The following CCDC3 variants were observed in gnomAD, a reference collection of about 807,000 sequenced individuals.
The protein encoded by CCDC3 is coiled-coil domain containing 3.
A neutral mutation model predicts 21.4 loss-of-function variants in CCDC3; 24 were observed. The ratio of observed to expected loss-of-function variants is 1.12; its 90% CI spans 0.81 to 1.58. The LOEUF (loss-of-function observed/expected upper bound fraction) is 1.58, where lower values mean the gene tolerates loss of function less well. Ranked by LOEUF, CCDC3 falls within the 40% of genes most tolerant of loss-of-function variation. The pLI, the probability that CCDC3 is intolerant of heterozygous loss-of-function variation, is 0.00. For synonymous variants in CCDC3, 186 were observed against 166.0 expected (o/e 1.12, Z -0.93); for missense variants, 425 against 360.9 (o/e 1.18, Z -1.44).
chr10:13,063,638 C>T (rs1029701005), intron 4 of CCDC3, among the ~76,000 whole-genome samples: 10 of 152,214 alleles, frequency 6.6e-5, no homozygotes, highest in East Asian at 1.9e-4. Context: ...AAAACCCAGT[C>T]GCCTAGCGCC....
intron 4 of CCDC3, among the ~76,000 whole-genome samples, chr10:13,070,484 C>T (rs997027736): frequency 2.0e-5 from 3 of 152,134 alleles, no homozygotes; most frequent in Admixed American, 1.3e-4. Flanking sequence ...TCAATAAAGC[C>T]CCATGGGAGA....
At chr10:12,945,225 T>C (rs144669706) in intron 2 of CCDC3, among the ~76,000 whole-genome samples, 1 of 152,198 alleles carries the variant, frequency 6.6e-6, no homozygotes, top group Non-Finnish European at 1.5e-5. Context: ...GAAATTAAGA[T>C]GATTTAGTAT....
chr10:12,927,072 T>C (rs1191603462), intron 2 of CCDC3, among the ~76,000 whole-genome samples: 2 of 152,314 alleles, frequency 1.3e-5, no homozygotes, highest in East Asian at 3.9e-4. Flanking sequence ...TCAGCCAACG[T>C]GATATTTACC....
At position 13,001,649 on chromosome 10, in the gene CCDC3, G is replaced by C. The variant is rs888872703; in HGVS notation, c.-79C>G. 4.2e-6 allele frequency: 4 copies of C among 941,380 alleles called. No homozygotes were observed. Among genetic ancestry groups the C allele is most frequent in the African/African-American group, 1.8e-5 (1 of 56,710 alleles). The allele number at this position is 941,380 out of a possible 1,614,324, so 58.3% of individuals were successfully genotyped here. A position where few individuals can be genotyped will look rare whatever the true frequency, so the allele number is the denominator to read the frequency against. ...CGGCCCGGGAAGGGCAGCCCTGGGC[G>C]CTCGGCTGCTCGGGCCGCTCCCGGG... On this transcript the variant is annotated 5_prime_UTR_variant, in exon 1 of 3. Coordinates refer to ENST00000378825, the MANE Select transcript of CCDC3 (RefSeq NM_031455.4).
At chr10:12,921,561 C>G (rs1250725663) in intron 2 of CCDC3, among the ~76,000 whole-genome samples, 1 of 152,208 alleles carries the variant, frequency 6.6e-6, no homozygotes, top group Non-Finnish European at 1.5e-5. Context: ...AAAATTGTAG[C>G]AAAATATACA....
At chr10:12,994,328 A>G (rs1478425951) in intron 2 of CCDC3, among the ~76,000 whole-genome samples, 1 of 151,684 alleles carries the variant, frequency 6.6e-6, no homozygotes, top group Non-Finnish European at 1.5e-5. Flanking sequence ...AACCTGGGAG[A>G]CAGAGGCTGC....
At chr10:13,075,720 A>G (rs1836955732) in intron 3 of CCDC3, among the ~76,000 whole-genome samples, 1 of 152,062 alleles carries the variant, frequency 6.6e-6, no homozygotes, top group South Asian at 2.1e-4. Context: ...TGATTAACCA[A>G]TTTGCTCAGT....
chr10:13,053,393 A>AC (rs1458350913), intron 4 of CCDC3, among the ~76,000 whole-genome samples: 1 of 151,912 alleles, frequency 6.6e-6, no homozygotes, highest in Non-Finnish European at 1.5e-5. Context: ...ACATAGTGAG[A>AC]CCCCATCTCC....
chr10:13,004,447 G>A (rs1186199268), upstream of CCDC3, among the ~76,000 whole-genome samples: 3 of 152,128 alleles, frequency 2.0e-5, no homozygotes, highest in Non-Finnish European at 2.9e-5. Flanking sequence ...ATTCCATGAT[G>A]GTGGATAAGG....
At chr10:12,937,064 A>AAAGCCT (rs1367796707) in intron 2 of CCDC3, among the ~76,000 whole-genome samples, 2 of 152,020 alleles carry the variant, frequency 1.3e-5, no homozygotes, top group Non-Finnish European at 2.9e-5. Flanking sequence ...AAAACTCACA[A>AAAGCCT]AAGCCTAAGC....
Position 12,998,381 on chromosome 10 carries a change from A to G in CCDC3, c.506T>C (p.Leu169Pro), listed in dbSNP as rs1235365819. 2.5e-6 allele frequency: 4 copies of G among 1,614,182 alleles called. No individual in the cohort carries two copies. Among genetic ancestry groups the G allele is most frequent in the Non-Finnish European group, 3.4e-6 (4 of 1,180,032 alleles). ...TTCCCAGTCACTGGAGAAAGTCGCC[A>G]GCTGCTGCCCTTGCGAACAGTTTGA... is the stretch of plus-strand genomic sequence containing the variant. ...QFSNCSQGQQ[L>P]ATFSSDWEIQ... is the part of the protein sequence containing the mutation. Residue 169 changes from leucine (L) to proline (P), a missense_variant, in exon 2 of 3, where the codon CTG becomes CCG. Leu to Pro is a moderately conservative substitution (Grantham distance 98). Coordinates refer to ENST00000378825, the MANE Select transcript of CCDC3 (RefSeq NM_031455.4).
In CCDC3 at chr10:12,929,289, A is replaced by G. The variant is rs547687812; in HGVS notation, c.550-30610T>C. Among the ~76,000 whole-genome samples the G allele has an allele frequency of 3.3e-5, 5 of 151,172 alleles. No individual in the cohort carries two copies. The East Asian group carries it at 9.7e-4, about 29-fold the overall frequency. ...AAAAAAAAAAAAAAAAAAAGAACAG[A>G]ATAGACCCCACCTTCCTCTGAGTTT... is the stretch of plus-strand genomic sequence containing the variant. On this transcript the variant is annotated intron_variant, in intron 2 of 2. Coordinates refer to ENST00000378825, the MANE Select transcript of CCDC3 (RefSeq NM_031455.4).
intron 2 of CCDC3, among the ~76,000 whole-genome samples, chr10:12,923,850 C>T (rs1450804437): frequency 6.6e-6 from 1 of 152,208 alleles, no homozygotes; most frequent in East Asian, 1.9e-4. Context: ...CAGACAACCT[C>T]TGCTGTCATG....
At position 13,090,091 on chromosome 10, in the gene CCDC3, CTT is replaced by C. The variant is rs1231936142; in HGVS notation, c.-503+8432_-503+8433del. ...TATATATATATATCACCGTTTCTTT[CTT>C]TTTTTTTTTTTTTTGTGTCAGAGTC... On this transcript the variant is annotated intron_variant, in intron 3 of 6. Coordinates refer to the CCDC3 transcript ENST00000378839. Among the ~76,000 whole-genome samples, 70 of 106,406 alleles carry C rather than the reference CTT, an allele frequency of 6.6e-4. 1 individual carries two copies. Among genetic ancestry groups the C allele is most frequent in the African/African-American group, 1.8e-3 (49 of 27,474 alleles). 69.8% of individuals were successfully genotyped at this position (106,406 alleles called of 152,430 possible).
At chr10:12,905,405 C>T (rs534503666) in intron 2 of CCDC3, among the ~76,000 whole-genome samples, 2 of 152,286 alleles carry the variant, frequency 1.3e-5, no homozygotes, top group East Asian at 3.9e-4. Context: ...TGAATCTTAA[C>T]CTCAAGAGGG....
At position 12,984,156 on chromosome 10, in the gene CCDC3, A is replaced by G. The variant is rs1394480000; in HGVS notation, c.549+14182T>C. ...GGGAGAAAATGTGTACAAATCATAC[A>G]TGTGATAAGGGTTTAGTATCCATAA... On this transcript the variant is annotated intron_variant, in intron 2 of 2. Coordinates refer to ENST00000378825, the MANE Select transcript of CCDC3 (RefSeq NM_031455.4). 2.0e-5 allele frequency among the ~76,000 whole-genome samples: 3 copies of G among 152,226 alleles called. No homozygotes were observed. The East Asian group carries it at 5.8e-4, about 29-fold the overall frequency.
intron 3 of CCDC3, among the ~76,000 whole-genome samples, chr10:13,084,380 T>A (rs1292042574): frequency 1.3e-5 from 2 of 150,910 alleles, no homozygotes; most frequent in African/African-American, 4.9e-5. Flanking sequence ...CCTCCACCTC[T>A]CGGGTTCAAG....
chr10:13,018,626 T>C (rs548657378), intron 5 of CCDC3, among the ~76,000 whole-genome samples: 5 of 152,232 alleles, frequency 3.3e-5, no homozygotes, highest in African/African-American at 4.8e-5. Flanking sequence ...GATATTATGA[T>C]GGACTATTGA....
At chr10:12,988,055 T>C (rs930988404) in intron 2 of CCDC3, among the ~76,000 whole-genome samples, 1 of 152,110 alleles carries the variant, frequency 6.6e-6, no homozygotes, top group Non-Finnish European at 1.5e-5. Context: ...GTTCAATGGC[T>C]CCCCAAATCA....
Sources: gnomAD v4.1 joint callset for allele counts (sites outside exome capture counted in the v4.1 genomes callset) on GRCh38, gnomAD v4.1.1 for gene constraint, MANE v1.5 for transcripts, NCBI Gene and HGNC (gene_info 2026-07-23, HGNC 2026-07-21) for gene names.